The following MYSM1 variants were observed in gnomAD, a reference collection of about 807,000 sequenced individuals.
The protein encoded by MYSM1 is deubiquitinase MYSM1.
MYSM1 carries 51 observed loss-of-function variants against 116.0 expected under a neutral mutation model. That is an observed-to-expected ratio of 0.44 (90% CI 0.35 to 0.56). The LOEUF is 0.56. Ranked by LOEUF, MYSM1 falls within the 20% of genes least tolerant of loss-of-function variation. The probability of loss-of-function intolerance (pLI) is 0.00; values close to 1 mark genes in which losing one functional copy is unlikely to be tolerated. For missense variants in MYSM1, 900 were observed against 974.9 expected (o/e 0.92, Z 1.02); for synonymous variants, 313 against 315.2 (o/e 0.99, Z 0.07).
intron 8 of MYSM1, among the ~76,000 whole-genome samples, chr1:58,680,340 CA>C (rs1644720491): frequency 6.6e-6 from 1 of 152,160 alleles, no homozygotes; most frequent in Admixed American, 6.5e-5. Context: ...ATCAAATAAA[CA>C]TAATACCATC....
chr1:58,659,611 G>A lies in MYSM1; in HGVS notation c.*386C>T, dbSNP rs1644363651. On this transcript the variant is annotated 3_prime_UTR_variant, in exon 20 of 20. Coordinates refer to ENST00000472487, the MANE Select transcript of MYSM1 (RefSeq NM_001085487.3). Reference sequence around the variant, plus strand: ...AGCAGAATATATGGAAAGAATGGAAGTGCTTTTAAATGAAATAGGAGATAC... The same window carrying A: ...AGCAGAATATATGGAAAGAATGGAAATGCTTTTAAATGAAATAGGAGATAC... 6.5e-6 allele frequency: 1 copy of A among 154,376 alleles called. No homozygotes were observed. The highest frequency in any genetic ancestry group is 2.1e-4 in the South Asian group (1 of 4,872). 9.6% of individuals were successfully genotyped at this position (154,376 alleles called of 1,614,324 possible).
At chr1:58,666,385 C>T (rs963016302) in intron 16 of MYSM1, among the ~76,000 whole-genome samples, 3 of 152,092 alleles carry the variant, frequency 2.0e-5, no homozygotes, top group African/African-American at 7.2e-5. Context: ...TCAGTTGTAT[C>T]TAGTCCCTGT....
chr1:58,656,174 T>C lies in MYSM1; in HGVS notation c.*3823A>G, dbSNP rs949088775. 15 of 152,196 alleles carry C rather than the reference T, an allele frequency of 9.9e-5. No individual in the cohort carries two copies. The highest frequency in any genetic ancestry group is 3.6e-4 in the African/African-American group (15 of 41,442). The allele number at this position is 152,196 out of a possible 1,614,324, so 9.4% of individuals were successfully genotyped here. On this transcript the variant is annotated 3_prime_UTR_variant, in exon 20 of 20. Transcript: ENST00000472487. Reference sequence around the variant, plus strand: ...TGAAGCCACAGTCTCCTCTGTTGGGTTGAGAGCTGCAGAGGTTCTGACTGT... The same window carrying C: ...TGAAGCCACAGTCTCCTCTGTTGGGCTGAGAGCTGCAGAGGTTCTGACTGT...
chr1:58,667,291 T>C, intron 15 of MYSM1, 65 bp from the exon 16 acceptor site: 2 of 1,231,780 alleles, frequency 1.6e-6, no homozygotes, highest in Non-Finnish European at 2.1e-6. Context: ...TCTAATGTTA[T>C]AATTCTTTCA....
rs552496905 is a variant in MYSM1 at position 58,674,427 on chromosome 1, A to C, written c.1495-777T>G. On this transcript the variant is annotated intron_variant, in intron 10 of 19. Transcript: ENST00000472487. ...TTTAAAATGGACCAGTTGCCAAAGG[A>C]TAGTGTATGACTAGCACCATATCCA... Among the ~76,000 whole-genome samples the C allele has an allele frequency of 2.6e-5, 4 of 152,316 alleles. No homozygotes were observed. The South Asian group carries it at 8.3e-4, about 32-fold the overall frequency.
Position 58,654,947 on chromosome 1 carries a change from C to A in MYSM1, c.*5050G>T, listed in dbSNP as rs890760758. The A allele has an allele frequency of 6.6e-6, 1 of 152,024 alleles. No homozygotes were observed. Among genetic ancestry groups the A allele is most frequent in the Non-Finnish European group, 1.5e-5 (1 of 67,994 alleles). 9.4% of individuals were successfully genotyped at this position (152,024 alleles called of 1,614,324 possible). ...TTAAATACAGACATATACAACATGGCATATTTAAATGTACAAAATAGTTGA... is the reference window on the plus strand; with the variant it reads ...TTAAATACAGACATATACAACATGGAATATTTAAATGTACAAAATAGTTGA... On this transcript the variant is annotated 3_prime_UTR_variant, in exon 20 of 20. Transcript: ENST00000472487.
intron 19 of MYSM1, 112 bp downstream of exon 19, chr1:58,661,058 G>T: frequency 1.3e-6 from 1 of 765,474 alleles, no homozygotes. Flanking sequence ...AGTAATAAAA[G>T]AAATATACAG....
chr1:58,673,584 GTCCT>G lies in MYSM1; in HGVS notation c.1557_1560del (p.Glu519AspfsTer27), dbSNP rs759238258. 6.2e-7 allele frequency: 1 copy of G among 1,614,012 alleles called. No homozygotes were observed. The highest frequency in any genetic ancestry group is 8.5e-7 in the Non-Finnish European group (1 of 1,179,924). ...AAGGTCAAAGTTACCTCAAACGTTT[GTCCT>G]TCTAAGTCCTTTGCATCACACCAGT... On this transcript the variant is annotated frameshift_variant, in exon 11 of 20. Transcript: ENST00000472487. LOFTEE classifies it high-confidence loss of function.
chr1:58,671,653 T>A (rs1187542533), intron 12 of MYSM1, among the ~76,000 whole-genome samples: 4 of 152,158 alleles, frequency 2.6e-5, no homozygotes, highest in Admixed American at 2.6e-4. Context: ...TTACAACATA[T>A]GTTGGATCAT....
At chr1:58,683,119 TG>T (rs919321220) in intron 7 of MYSM1, among the ~76,000 whole-genome samples, 1 of 152,234 alleles carries the variant, frequency 6.6e-6, no homozygotes, top group African/African-American at 2.4e-5. Context: ...AACTAATTCA[TG>T]GGTCTGGTGA....
In MYSM1 at chr1:58,671,885, G is replaced by C. The variant is rs889800130; in HGVS notation, c.1646C>G (p.Pro549Arg). The change falls in exon 12 of 20, where the codon CCA becomes CGA. Residue 549 changes from proline to arginine, a missense_variant. Around this residue, in one of 3 missense-constraint regions of MYSM1, gnomAD observed 92 missense variants for 155.0 expected, o/e 0.59. Transcript: ENST00000472487. The part of the protein sequence containing the change: ...KGRPVKSLKV[P>R]RPTKSSFDPF... ...AACACTACACCTTTTTGTTGGTCTTGGCACTTTTAAAGATTTAACAGGTCT... is the reference window on the plus strand; with the variant it reads ...AACACTACACCTTTTTGTTGGTCTTCGCACTTTTAAAGATTTAACAGGTCT... The C allele has an allele frequency of 6.2e-7, 1 of 1,612,280 alleles. No individual in the cohort carries two copies. Among genetic ancestry groups the C allele is most frequent in the African/African-American group, 1.3e-5 (1 of 74,716 alleles).
chr1:58,681,517 C>T (rs1029013223), intron 8 of MYSM1, among the ~76,000 whole-genome samples: 6 of 152,210 alleles, frequency 3.9e-5, no homozygotes, highest in African/African-American at 7.2e-5. Context: ...ATCTTCCTAA[C>T]GCTGTCCTAG....
In MYSM1 at chr1:58,681,997, A is replaced by G; in HGVS notation, c.1047T>C (p.Asn349=). The change falls in exon 8 of 20, where the codon AAT becomes AAC. Residue 349 remains asparagine (N), a synonymous_variant. Coordinates refer to ENST00000472487, the MANE Select transcript of MYSM1 (RefSeq NM_001085487.3). ...GAAAAAGCATTTCATTATCATTCAA[A>G]TTTTTCTGAATTTCACAAGGCTCTG... The part of the protein sequence containing the change: ...PSPEPCEIQK[N]LNDNEMLFHS... The G allele has an allele frequency of 1.2e-6, 2 of 1,613,974 alleles. No homozygotes were observed. Among genetic ancestry groups the G allele is most frequent in the Admixed American group, 1.7e-5 (1 of 60,018 alleles).
intron 6 of MYSM1, among the ~76,000 whole-genome samples, chr1:58,686,232 A>G (rs1451538700): frequency 1.3e-5 from 2 of 152,122 alleles, no homozygotes; most frequent in Non-Finnish European, 2.9e-5. Flanking sequence ...AAAAATGACA[A>G]CTTGAGGGAG....
At position 58,659,827 on chromosome 1, in the gene MYSM1, CA is replaced by C. The variant is rs1406328090; in HGVS notation, c.*169del. The C allele has an allele frequency of 1.9e-6, 1 of 521,888 alleles. No homozygotes were observed. The highest frequency in any genetic ancestry group is 2.0e-5 in the African/African-American group (1 of 50,428). 32.3% of individuals were successfully genotyped at this position (521,888 alleles called of 1,614,324 possible). ...CACTCTGATAATCACTATATGAAAA[CA>C]AATTTGTATCTCTTCCTTTTCACAT... On this transcript the variant is annotated 3_prime_UTR_variant, in exon 20 of 20. Transcript: ENST00000472487.
chr1:58,669,108 G>A, intron 12 of MYSM1, 70 bp from the exon 13 acceptor site: 2 of 1,166,658 alleles, frequency 1.7e-6, no homozygotes, highest in Non-Finnish European at 2.4e-6. Flanking sequence ...TTGTAAATCT[G>A]AAAGTGTATA....
chr1:58,661,277 A>C (rs762478864), intron 18 of MYSM1, 50 bp from the exon 19 acceptor site: 1 of 1,448,952 alleles, frequency 6.9e-7, no homozygotes, highest in South Asian at 1.2e-5. Context: ...ACTATAAACT[A>C]ATCAGTTTCA....
rs886608804 is a variant in MYSM1, at chr1:58,659,130, A to G, written c.*867T>C. On this transcript the variant is annotated 3_prime_UTR_variant, in exon 20 of 20. Coordinates refer to ENST00000472487, the MANE Select transcript of MYSM1 (RefSeq NM_001085487.3). Reference sequence around the variant, plus strand: ...CATATGAAACTGGGCTGAATATGTAACATGTCCTGAAAGGCTTGTTTTAAA... The same window carrying G: ...CATATGAAACTGGGCTGAATATGTAGCATGTCCTGAAAGGCTTGTTTTAAA... 2.0e-5 allele frequency: 3 copies of G among 152,068 alleles called. No homozygotes were observed. The highest frequency in any genetic ancestry group is 7.2e-5 in the African/African-American group (3 of 41,402). 9.4% of individuals were successfully genotyped at this position (152,068 alleles called of 1,614,324 possible). A position where few individuals can be genotyped will look rare whatever the true frequency, so the allele number is the denominator to read the frequency against.
chr1:58,680,452 G>T, intron 8 of MYSM1, among the ~76,000 whole-genome samples: 1 of 152,290 alleles, frequency 6.6e-6, no homozygotes, highest in Middle Eastern at 3.4e-3. Flanking sequence ...GTTGTTCCTT[G>T]CAAGTATTCT....
Sources: gnomAD v4.1 joint callset for allele counts (sites outside exome capture counted in the v4.1 genomes callset) on GRCh38, gnomAD v4.1.1 for gene constraint, gnomAD v4.1.1 regional missense constraint, MANE v1.5 for transcripts, NCBI Gene and HGNC (gene_info 2026-07-23, HGNC 2026-07-21) for gene names.